The following SAMD13 variants were observed in gnomAD, a reference collection of about 807,000 sequenced individuals.
The protein encoded by SAMD13 is sterile alpha motif domain-containing protein 13.
SAMD13 carries 9 observed loss-of-function variants against 12.4 expected under a neutral mutation model. The observed-to-expected ratio is 0.72, with a 90% CI of 0.44 to 1.26. The LOEUF is 1.26. Among genes scored for constraint, SAMD13 ranks in the 50% most tolerant of loss-of-function variants. The pLI is 0.00. For synonymous variants in SAMD13, 46 were observed against 45.4 expected, an observed-to-expected ratio of 1.01 and a Z score of -0.05; for missense variants, 84 against 119.6, an observed-to-expected ratio of 0.70 and a Z score of 1.39.
intron 3 of SAMD13, chr1:84,345,338 C>T (rs1434991219): frequency 2.5e-6 from 1 of 402,076 alleles, no homozygotes; most frequent in Admixed American, 2.8e-5. Context: ...TGTTCTGATG[C>T]TTATGAAAGA....
At position 84,332,576 on chromosome 1, in the gene SAMD13, G is replaced by A. The variant is rs528815337; in HGVS notation, c.165+6828G>A. 3.3e-5 allele frequency among the ~76,000 whole-genome samples: 5 copies of A among 152,144 alleles called. No individual in the cohort carries two copies. In the East Asian group the frequency reaches 9.7e-4, roughly 29 times the overall value. The stretch of plus-strand genomic sequence containing the variant: ...ATGTCCTTTGCCCAATATGTAATGG[G>A]TTGTTTGTTTTCTTGCTTGTTGATT... On this transcript the variant is annotated intron_variant, in intron 3 of 3. Coordinates refer to ENST00000394834, the MANE Select transcript of SAMD13 (RefSeq NM_001134663.2).
intron 2 of SAMD13, 24 bp from the exon 3 acceptor site, chr1:84,325,613 A>G (rs1679040620): frequency 1.4e-6 from 2 of 1,425,252 alleles, no homozygotes; most frequent in South Asian, 1.1e-5. Flanking sequence ...TGCCATGACA[A>G]CTGTCTGGAT....
upstream of SAMD13, chr1:84,299,522 C>A (rs1049986687): frequency 6.8e-6 from 8 of 1,185,090 alleles, no homozygotes; most frequent in African/African-American, 1.1e-4. Flanking sequence ...ATACGTACCA[C>A]ACCCACACAC....
chr1:84,342,962 CA>C (rs1367983836), intron 3 of SAMD13, among the ~76,000 whole-genome samples: 2 of 151,944 alleles, frequency 1.3e-5, no homozygotes, highest in Non-Finnish European at 1.5e-5. Flanking sequence ...CTCCATCTGA[CA>C]AAGGTCTAAT....
At chr1:84,322,445 G>A (rs1678965892) in intron 2 of SAMD13, among the ~76,000 whole-genome samples, 1 of 152,088 alleles carries the variant, frequency 6.6e-6, no homozygotes, top group African/African-American at 2.4e-5. Context: ...CAAAGAGGTG[G>A]GAGGCTGATA....
At chr1:84,344,653 G>T in intron 3 of SAMD13, 1 of 303,976 alleles carries the variant, frequency 3.3e-6, no homozygotes, top group Non-Finnish European at 6.5e-6. Flanking sequence ...CCCTGTCTTG[G>T]TGGGGAAAGG....
At chr1:84,343,084 C>G (rs558581976) in intron 3 of SAMD13, among the ~76,000 whole-genome samples, 2 of 152,178 alleles carry the variant, frequency 1.3e-5, no homozygotes, top group African/African-American at 4.8e-5. Context: ...GACATTAGTG[C>G]AGCCAAGAAA....
chr1:84,326,541 T>A (rs1055104625), intron 3 of SAMD13, among the ~76,000 whole-genome samples: 1 of 152,134 alleles, frequency 6.6e-6, no homozygotes, highest in Admixed American at 6.6e-5. Flanking sequence ...GCAGGGTTGG[T>A]CTTCAAGGGG....
At chr1:84,320,297 C>T (rs999521318) in intron 2 of SAMD13, among the ~76,000 whole-genome samples, 1 of 152,170 alleles carries the variant, frequency 6.6e-6, no homozygotes, top group African/African-American at 2.4e-5. Flanking sequence ...AATCAAGCAT[C>T]TGAACTCTAA....
chr1:84,328,997 G>A (rs911604711), intron 3 of SAMD13, among the ~76,000 whole-genome samples: 1 of 152,118 alleles, frequency 6.6e-6, no homozygotes, highest in Non-Finnish European at 1.5e-5. Flanking sequence ...TGGCTATTAT[G>A]AGCTGAATGT....
At chr1:84,343,666 G>A (rs538715324) in intron 3 of SAMD13, among the ~76,000 whole-genome samples, 8 of 152,188 alleles carry the variant, frequency 5.3e-5, no homozygotes, top group Non-Finnish European at 8.8e-5. Context: ...AGAACACATC[G>A]ACACAGGGAG....
At chr1:84,323,417 G>T (rs1280582396) in intron 2 of SAMD13, among the ~76,000 whole-genome samples, 1 of 152,142 alleles carries the variant, frequency 6.6e-6, no homozygotes, top group Non-Finnish European at 1.5e-5. Context: ...AAGATTGTGT[G>T]TGTGCATGTG....
At chr1:84,344,644 C>G (rs1679496141) in intron 3 of SAMD13, 1 of 301,366 alleles carries the variant, frequency 3.3e-6, no homozygotes, top group Non-Finnish European at 6.5e-6. Flanking sequence ...AAAAATAAAC[C>G]CTGTCTTGGT....
intron 3 of SAMD13, among the ~76,000 whole-genome samples, chr1:84,330,338 G>T (rs1008503957): frequency 6.6e-6 from 1 of 152,186 alleles, no homozygotes; most frequent in Non-Finnish European, 1.5e-5. Flanking sequence ...CACTTGAGAC[G>T]CAGTTGAACT....
chr1:84,317,953 C>T (rs1315196240), intron 2 of SAMD13, among the ~76,000 whole-genome samples: 1 of 152,066 alleles, frequency 6.6e-6, no homozygotes, highest in Non-Finnish European at 1.5e-5. Context: ...TTCTTCTAGA[C>T]TATCCAGTTG....
At chr1:84,299,589 C>T, upstream of SAMD13, 1 of 1,517,194 alleles carries the variant, frequency 6.6e-7, no homozygotes, top group Non-Finnish European at 8.9e-7. Flanking sequence ...ACATACTACA[C>T]ACACAACTTT....
chr1:84,345,662 T>C (rs1170662723), intron 3 of SAMD13, among the ~76,000 whole-genome samples: 2 of 152,216 alleles, frequency 1.3e-5, no homozygotes, highest in Non-Finnish European at 2.9e-5. Flanking sequence ...GTTGCCTGTC[T>C]TGATGGCTAC....
In SAMD13 at chr1:84,349,833, T is replaced by C. The variant is rs944296733; in HGVS notation, c.*59T>C. 16 of 1,564,690 alleles carry C rather than the reference T, an allele frequency of 1.0e-5. No individual in the cohort carries two copies. In the South Asian group the frequency reaches 1.6e-4, roughly 15 times the overall value. ...TACATAATGACATAATTTAGTTTCA[T>C]GTAATGAAACTTTGTAAACAGAATA... On this transcript the variant is annotated 3_prime_UTR_variant, in exon 4 of 4. Coordinates refer to ENST00000394834, the MANE Select transcript of SAMD13 (RefSeq NM_001134663.2).
At chr1:84,331,352 A>T (rs579012) in intron 3 of SAMD13, among the ~76,000 whole-genome samples, 1,847 of 25,902 alleles carry the variant, frequency 0.071, 315 homozygotes, top group African/African-American at 0.094. Flanking sequence ...AAAAAAAAAA[A>T]AAAAAATTAT....
Sources: allele counts gnomAD v4.1 joint callset (sites outside exome capture counted in the v4.1 genomes callset), GRCh38; gene constraint gnomAD v4.1.1; transcripts MANE v1.5; gene names NCBI Gene and HGNC (gene_info 2026-07-23, HGNC 2026-07-21).